Variants in TTLL6 observed in about 807,000 individuals in gnomAD.
The protein encoded by TTLL6 is tubulin tyrosine ligase like 6, also known as tubulin polyglutamylase TTLL6.
In TTLL6, 75 loss-of-function variants were observed where a neutral mutation model predicts 96.4. The ratio of observed to expected loss-of-function variants is 0.78; its 90% confidence interval spans 0.65 to 0.94. The LOEUF is 0.94. TTLL6 is among the 40% of genes least tolerant of loss of function. The pLI is 0.00. For missense variants in TTLL6, 1,030 were observed against 1,093.0 expected (o/e 0.94, Z 0.81); for synonymous variants, 411 against 419.4 (o/e 0.98, Z 0.24).
chr17:48,792,901 G>A (rs757521108), intron 8 of TTLL6, among the ~76,000 whole-genome samples: 14 of 152,036 alleles, frequency 9.2e-5, no homozygotes, highest in Non-Finnish European at 1.3e-4. Context: ...ACACCTCCCT[G>A]GCAACATATA....
At chr17:48,796,552 G>C (rs2039319771) in intron 7 of TTLL6, among the ~76,000 whole-genome samples, 1 of 151,800 alleles carries the variant, frequency 6.6e-6, no homozygotes, top group Admixed American at 6.6e-5. Context: ...CCAGGAGGCA[G>C]AGGTTGCAAT....
At chr17:48,766,432 C>G (rs1187926273) in intron 15 of TTLL6, among the ~76,000 whole-genome samples, 1 of 152,220 alleles carries the variant, frequency 6.6e-6, no homozygotes, top group African/African-American at 2.4e-5. Flanking sequence ...ACGGTCAATG[C>G]AGGAAGCACT....
chr17:48,811,333 G>T (rs1211498190), intron 1 of TTLL6, among the ~76,000 whole-genome samples: 1 of 151,966 alleles, frequency 6.6e-6, no homozygotes, highest in African/African-American at 2.4e-5. Flanking sequence ...GCCACTCAAA[G>T]TGCTGGGATT....
chr17:48,763,553 T>G (rs1206833753), intron 15 of TTLL6, among the ~76,000 whole-genome samples: 1 of 152,116 alleles, frequency 6.6e-6, no homozygotes, highest in Non-Finnish European at 1.5e-5. Context: ...TCCCAGCTCT[T>G]TGGGAGGCTG....
rs566493637 is a variant in TTLL6, at chr17:48,770,713, A to G, written c.2041-616T>C. 5.8e-4 allele frequency among the ~76,000 whole-genome samples: 88 copies of G among 151,792 alleles called. 1 individual carries two copies. Among genetic ancestry groups the G allele is most frequent in the African/African-American group, 2.0e-3 (82 of 41,414 alleles). ...TTTTCTGTAGAGATGGGGTTTTGCCATGTTGCCCAGGCTGGTCTCAAACTC... is the reference window on the plus strand; with the variant it reads ...TTTTCTGTAGAGATGGGGTTTTGCCGTGTTGCCCAGGCTGGTCTCAAACTC... On this transcript the variant is annotated intron_variant, in intron 13 of 15. Transcript: ENST00000393382.
At chr17:48,816,536 G>C (rs960885883) in intron 1 of TTLL6, among the ~76,000 whole-genome samples, 10 of 152,170 alleles carry the variant, frequency 6.6e-5, no homozygotes, top group African/African-American at 2.4e-4. Flanking sequence ...GAAGGCGGTA[G>C]GGGCATCAGC....
chr17:48,807,629 G>A (rs573719483), intron 1 of TTLL6, among the ~76,000 whole-genome samples: 71 of 147,286 alleles, frequency 4.8e-4, no homozygotes, highest in African/African-American at 1.7e-3. Flanking sequence ...CTTGTACTTC[G>A]GTCTCCCAAG....
In TTLL6 at chr17:48,766,133, CCT is replaced by C. The variant is rs568003338; in HGVS notation, c.*2854_*2855del. Among the ~76,000 whole-genome samples the C allele has an allele frequency of 9.8e-5, 15 of 152,310 alleles. No individual in the cohort carries two copies. In the South Asian group the frequency reaches 2.7e-3, roughly 27 times the overall value. On this transcript the variant is annotated intron_variant, in intron 15 of 15. Transcript: ENST00000393382. ...AGATTCAACTGATGGGGAAGTTCTCCCTGTTTCCCAGCTCACTACAGCTCCAA... is the reference window on the plus strand; with the variant it reads ...AGATTCAACTGATGGGGAAGTTCTCCGTTTCCCAGCTCACTACAGCTCCAA...
intron 1 of TTLL6, among the ~76,000 whole-genome samples, chr17:48,808,362 C>T (rs1346371359): frequency 6.8e-6 from 1 of 147,458 alleles, no homozygotes; most frequent in Non-Finnish European, 1.5e-5. Context: ...AATTACATCG[C>T]TTCTCATATG....
intron 8 of TTLL6, among the ~76,000 whole-genome samples, chr17:48,792,337 T>C (rs536785355): frequency 6.6e-6 from 1 of 152,260 alleles, no homozygotes; most frequent in Non-Finnish European, 1.5e-5. Context: ...AGAGAGAGGA[T>C]GGATGTCACA....
At chr17:48,787,108 C>T (rs1204551593) in intron 11 of TTLL6, among the ~76,000 whole-genome samples, 1 of 152,102 alleles carries the variant, frequency 6.6e-6, no homozygotes, top group Non-Finnish European at 1.5e-5. Flanking sequence ...GGATTACAGG[C>T]GTGAGCCACC....
chr17:48,780,799 C>G (rs2038970864), intron 13 of TTLL6, among the ~76,000 whole-genome samples: 1 of 152,086 alleles, frequency 6.6e-6, no homozygotes, highest in East Asian at 1.9e-4. Context: ...AGGGTAAGTC[C>G]TGTTGTAGCA....
At chr17:48,794,460 G>C (rs1349498028) in intron 8 of TTLL6, 1 of 1,221,290 alleles carries the variant, frequency 8.2e-7, no homozygotes, top group African/African-American at 1.5e-5. Flanking sequence ...AGAAGTGCAG[G>C]CTCAGAGAGA....
At chr17:48,783,525 G>A (rs956318925) in intron 13 of TTLL6, among the ~76,000 whole-genome samples, 4 of 151,772 alleles carry the variant, frequency 2.6e-5, no homozygotes, top group African/African-American at 9.7e-5. Flanking sequence ...TCCACCTACC[G>A]GGTTCAAGCA....
At chr17:48,778,201 C>T (rs1055292148) in intron 13 of TTLL6, among the ~76,000 whole-genome samples, 8 of 150,478 alleles carry the variant, frequency 5.3e-5, no homozygotes, top group African/African-American at 9.8e-5. Context: ...CACTTGAACC[C>T]GAGAGGCAGA....
chr17:48,804,934 G>C lies in TTLL6; in HGVS notation c.161C>G (p.Thr54Ser). 6.8e-7 allele frequency: 1 copy of C among 1,470,772 alleles called. No individual in the cohort carries two copies. Among genetic ancestry groups the C allele is most frequent in the East Asian group, 2.5e-5 (1 of 40,188 alleles). The allele number at this position is 1,470,772 out of a possible 1,614,324, so 91.1% of individuals were successfully genotyped here. The part of the protein sequence containing the change: ...SQAREMPQCP[T>S]LESQEGENSE... Reference sequence around the variant, plus strand: ...GTTTTCCCCTTCCTGGCTTTCCAAAGTCGGGCACTGTGGCATCTCCCTGGC... The same window carrying C: ...GTTTTCCCCTTCCTGGCTTTCCAAACTCGGGCACTGTGGCATCTCCCTGGC... The change falls in exon 2 of 16, where the codon ACT (threonine) becomes AGT (serine). Residue 54 changes from threonine (T) to serine (S), a missense_variant. Thr to Ser is a moderately conservative substitution (Grantham distance 58). Transcript: ENST00000393382.
At position 48,769,709 on chromosome 17, in the gene TTLL6, T is replaced by C; in HGVS notation, c.2410+19A>G. 1.2e-6 allele frequency: 2 copies of C among 1,611,762 alleles called. No individual in the cohort carries two copies. Among genetic ancestry groups the C allele is most frequent in the East Asian group, 2.2e-5 (1 of 44,824 alleles). ...CCCCTTTAAGCTCCTGGCACATCCC[T>C]GTACACACTGGCACTCACGTGACAG... is the stretch of plus-strand genomic sequence containing the variant. On this transcript the variant is annotated intron_variant, in intron 14 of 15. Coordinates refer to ENST00000393382, the MANE Select transcript of TTLL6 (RefSeq NM_001130918.3).
chr17:48,771,331 T>C lies in TTLL6; in HGVS notation c.2041-1234A>G, dbSNP rs566647164. 4.4e-4 allele frequency among the ~76,000 whole-genome samples: 67 copies of C among 152,212 alleles called. No homozygotes were observed. The Middle Eastern group carries it at 0.01, about 23-fold the overall frequency. The stretch of plus-strand genomic sequence containing the variant: ...ATGTGAAGTTAATGGATGGCTCAAA[T>C]AAAAATAACTCTTTAGGCTGGGCAA... On this transcript the variant is annotated intron_variant, in intron 13 of 15. Transcript: ENST00000393382.
chr17:48,767,896 C>G (rs971288520), intron 15 of TTLL6, among the ~76,000 whole-genome samples: 1 of 152,212 alleles, frequency 6.6e-6, no homozygotes, highest in South Asian at 2.1e-4. Context: ...ACAGGGCCAG[C>G]CTTTGGGGCA....
Sources: allele counts gnomAD v4.1 joint callset (sites outside exome capture counted in the v4.1 genomes callset), GRCh38; gene constraint gnomAD v4.1.1; transcripts MANE v1.5; gene names NCBI Gene and HGNC (gene_info 2026-07-23, HGNC 2026-07-21).